ZMYND11: variants seen among roughly 807,000 people sequenced by gnomAD.
ZMYND11 encodes the protein zinc finger MYND domain-containing protein 11.
Under a neutral mutation model 84.9 loss-of-function variants are expected in ZMYND11, and 9 were observed. The observed-to-expected ratio is 0.11, with a 90% confidence interval of 0.06 to 0.18. The LOEUF (loss-of-function observed/expected upper bound fraction) is 0.18. Among genes scored for constraint, ZMYND11 ranks in the 10% least tolerant of loss-of-function variants. The pLI, the probability that ZMYND11 is intolerant of heterozygous loss-of-function variation, is 1.00. For missense variants in ZMYND11, 409 were observed against 761.0 expected (o/e 0.54, Z 5.44); for synonymous variants, 250 against 244.1 (o/e 1.02, Z -0.23).
rs973465035 is a variant in ZMYND11, at chr10:252,250, G to A, written c.1687-98G>A. On this transcript the variant is annotated intron_variant, in intron 14 of 14. Coordinates refer to ENST00000381604, the MANE Select transcript of ZMYND11 (RefSeq NM_001370100.5). This position sits in a 1 kb window ranked among gnomAD's most constrained non-coding sequence, Gnocchi z 4.6. Reference sequence around the variant, plus strand: ...ATTCCACAAAAGGTTGAGCCAGAAAGATCTTTTAAAAGCACCACCTCAAGA... The same window carrying A: ...ATTCCACAAAAGGTTGAGCCAGAAAAATCTTTTAAAAGCACCACCTCAAGA... The A allele has an allele frequency of 7.1e-7, 1 of 1,414,412 alleles. No individual in the cohort carries two copies. The highest frequency in any genetic ancestry group is 1.4e-5 in the African/African-American group (1 of 69,428). The allele number at this position is 1,414,412 out of a possible 1,614,324, so 87.6% of individuals were successfully genotyped here. A position where few individuals can be genotyped will look rare whatever the true frequency, so the allele number is the denominator to read the frequency against.
At chr10:160,019 T>C (rs1842617456) in intron 1 of ZMYND11, among the ~76,000 whole-genome samples, 1 of 152,220 alleles carries the variant, frequency 6.6e-6, no homozygotes, top group African/African-American at 2.4e-5. Flanking sequence ...CAAAGCAGTA[T>C]TGAGTAAGAA....
intron 1 of ZMYND11, among the ~76,000 whole-genome samples, chr10:143,356 T>A (rs1359543270): frequency 6.6e-6 from 1 of 152,236 alleles, no homozygotes; most frequent in Non-Finnish European, 1.5e-5. Context: ...TTTAGTTTTC[T>A]CTTGTAGATT....
At chr10:146,406 C>T (rs1028778469) in intron 1 of ZMYND11, among the ~76,000 whole-genome samples, 3 of 152,032 alleles carry the variant, frequency 2.0e-5, no homozygotes, top group Non-Finnish European at 4.4e-5. Context: ...TCTATTGAAG[C>T]GATGTTCGTA....
At chr10:249,707 G>C (rs1952947650) in intron 14 of ZMYND11, 1 of 985,392 alleles carries the variant, frequency 1.0e-6, no homozygotes, top group African/African-American at 1.7e-5. Context: ...ACAGTGCTCA[G>C]TGAATTAGGG....
intron 2 of ZMYND11, among the ~76,000 whole-genome samples, chr10:203,386 C>T (rs1943584900): frequency 6.6e-6 from 1 of 151,378 alleles, no homozygotes; most frequent in Non-Finnish European, 1.5e-5. Context: ...CTAGGAAAAA[C>T]CCAAAAGATA....
intron 1 of ZMYND11, among the ~76,000 whole-genome samples, chr10:168,778 A>G (rs1395964332): frequency 6.6e-6 from 1 of 152,174 alleles, no homozygotes; most frequent in African/African-American, 2.4e-5. Context: ...GATATAAAGA[A>G]TCACAACTTA....
At position 235,002 on chromosome 10, in the gene ZMYND11, GT is replaced by G. The variant is rs1949705904; in HGVS notation, c.439-1835del. ...CGCAAATGTGTGTGTGTGTGTGTGT[GT>G]GTGTGTGAAAAGCACTGGGGATCTT... is the stretch of plus-strand genomic sequence containing the variant. On this transcript the variant is annotated intron_variant, in intron 4 of 14. Coordinates refer to ENST00000381604, the MANE Select transcript of ZMYND11 (RefSeq NM_001370100.5). Among the ~76,000 whole-genome samples the G allele has an allele frequency of 3.3e-5, 5 of 152,082 alleles. No individual in the cohort carries two copies. The South Asian group carries it at 1.0e-3, about 32-fold the overall frequency.
At chr10:172,313 T>G (rs1845531032) in intron 1 of ZMYND11, among the ~76,000 whole-genome samples, 1 of 152,186 alleles carries the variant, frequency 6.6e-6, no homozygotes, top group Admixed American at 6.5e-5. Context: ...GAAATAAAAC[T>G]GTCTTTGTTG....
intron 1 of ZMYND11, among the ~76,000 whole-genome samples, chr10:137,073 C>T (rs1178820178): frequency 1.3e-5 from 2 of 152,036 alleles, no homozygotes; most frequent in African/African-American, 4.8e-5. Context: ...TGTCATATGC[C>T]ATGCATATAT....
intron 2 of ZMYND11, among the ~76,000 whole-genome samples, chr10:183,550 G>T (rs1357705560): frequency 6.6e-6 from 1 of 152,068 alleles, no homozygotes; most frequent in African/African-American, 2.4e-5. Context: ...TTTCTAACTG[G>T]ACTGCTTCTA....
intron 4 of ZMYND11, among the ~76,000 whole-genome samples, chr10:229,362 C>G (rs143348271): frequency 6.6e-6 from 1 of 152,136 alleles, no homozygotes; most frequent in African/African-American, 2.4e-5. Context: ...ATCTTGAGTT[C>G]CTACTTTTAC....
At chr10:222,639 A>T (rs1947322286) in intron 4 of ZMYND11, among the ~76,000 whole-genome samples, 1 of 152,144 alleles carries the variant, frequency 6.6e-6, no homozygotes. Flanking sequence ...TACATTTTAA[A>T]AGCAAATATA....
chr10:202,845 A>G (rs927589751), intron 2 of ZMYND11, among the ~76,000 whole-genome samples: 14 of 152,316 alleles, frequency 9.2e-5, no homozygotes, highest in South Asian at 6.2e-4. Context: ...ACAACAAAGC[A>G]GACCTCTTCT....
intron 2 of ZMYND11, among the ~76,000 whole-genome samples, chr10:202,843 G>GC (rs1943470556): frequency 6.6e-6 from 1 of 152,066 alleles, no homozygotes; most frequent in African/African-American, 2.4e-5. Context: ...TAACAACAAA[G>GC]CAGACCTCTT....
intron 1 of ZMYND11, among the ~76,000 whole-genome samples, chr10:138,149 G>A (rs1422694047): frequency 2.1e-5 from 3 of 140,786 alleles, no homozygotes; most frequent in African/African-American, 8.1e-5. Flanking sequence ...TTGCTCTGTC[G>A]CTCAGGCTGG....
intron 1 of ZMYND11, among the ~76,000 whole-genome samples, chr10:162,734 A>C (rs1358664293): frequency 6.6e-6 from 1 of 152,160 alleles, no homozygotes; most frequent in African/African-American, 2.4e-5. Flanking sequence ...CTGTTTGCCA[A>C]AGTTTATTTA....
chr10:235,871 T>C (rs534880295), intron 4 of ZMYND11, among the ~76,000 whole-genome samples: 2 of 152,370 alleles, frequency 1.3e-5, no homozygotes, highest in East Asian at 3.9e-4. Context: ...TATGTGTTTA[T>C]AAACAGTGTA....
At chr10:249,648 G>A (rs1455716510) in intron 14 of ZMYND11, 18 of 985,276 alleles carry the variant, frequency 1.8e-5, no homozygotes, top group Non-Finnish European at 2.0e-5. Context: ...CCCCACTAGA[G>A]TGGGAGCTTC....
At chr10:153,923 G>A (rs1841031968) in intron 1 of ZMYND11, among the ~76,000 whole-genome samples, 1 of 152,078 alleles carries the variant, frequency 6.6e-6, no homozygotes, top group Admixed American at 6.6e-5. Context: ...CAAATTTAAC[G>A]GTTTCATGCC....
Sources: allele counts gnomAD v4.1 joint callset (sites outside exome capture counted in the v4.1 genomes callset), GRCh38; gene constraint gnomAD v4.1.1; non-coding constraint Gnocchi (gnomAD v3.1); transcripts MANE v1.5; gene names NCBI Gene and HGNC (gene_info 2026-07-23, HGNC 2026-07-21).